VAV3: variants seen among roughly 807,000 people sequenced by gnomAD.
VAV3 encodes the protein guanine nucleotide exchange factor VAV3.
In VAV3, 94 loss-of-function variants were observed where a neutral mutation model predicts 131.2. The observed-to-expected ratio is 0.72, with a 90% CI of 0.61 to 0.85. VAV3 has a LOEUF of 0.85. VAV3 is among the 40% of genes least tolerant of loss of function. The pLI, the probability that VAV3 is intolerant of heterozygous loss-of-function variation, is 0.00. For synonymous variants in VAV3, 349 were observed against 342.0 expected, an observed-to-expected ratio of 1.02 and a Z score of -0.22; for missense variants, 939 against 1,002.7, an observed-to-expected ratio of 0.94 and a Z score of 0.86.
At chr1:107,712,152 A>C (rs958522089) in intron 15 of VAV3, among the ~76,000 whole-genome samples, 2 of 152,184 alleles carry the variant, frequency 1.3e-5, no homozygotes, top group African/African-American at 4.8e-5. Context: ...ATAAATATAC[A>C]ATGAGATTTT....
chr1:107,759,012 T>C (rs1664270451), intron 10 of VAV3, among the ~76,000 whole-genome samples: 1 of 152,208 alleles, frequency 6.6e-6, no homozygotes, highest in African/African-American at 2.4e-5. Context: ...GACAGAGGCC[T>C]CTACTCAGGT....
intron 25 of VAV3, among the ~76,000 whole-genome samples, chr1:107,591,868 T>C (rs1463687426): frequency 6.6e-6 from 1 of 152,146 alleles, no homozygotes; most frequent in African/African-American, 2.4e-5. Context: ...AGGTATTCTC[T>C]TCTCTTATAT....
chr1:107,811,387 CA>C (rs1667309261), intron 2 of VAV3, among the ~76,000 whole-genome samples: 1 of 152,052 alleles, frequency 6.6e-6, no homozygotes, highest in Non-Finnish European at 1.5e-5. Flanking sequence ...AGCAGGCTGA[CA>C]TTTTATTTTA....
At chr1:107,655,824 T>C (rs932071448) in intron 19 of VAV3, among the ~76,000 whole-genome samples, 8 of 152,060 alleles carry the variant, frequency 5.3e-5, no homozygotes, top group African/African-American at 1.9e-4. Flanking sequence ...AAAGACATAT[T>C]AGTCGTCAAC....
At chr1:107,639,606 G>T (rs1407066214) in intron 20 of VAV3, among the ~76,000 whole-genome samples, 2 of 152,104 alleles carry the variant, frequency 1.3e-5, no homozygotes, top group Non-Finnish European at 2.9e-5. Context: ...AATGATTAAA[G>T]AAATGCAAAT....
intron 15 of VAV3, among the ~76,000 whole-genome samples, chr1:107,736,300 G>A (rs559442649): frequency 6.6e-6 from 1 of 152,140 alleles, no homozygotes; most frequent in South Asian, 2.1e-4. Context: ...ACTGGCACAA[G>A]ACAGGGATGC....
intron 2 of VAV3, among the ~76,000 whole-genome samples, chr1:107,787,179 A>G (rs1570953674): frequency 6.6e-6 from 1 of 152,318 alleles, no homozygotes; most frequent in East Asian, 1.9e-4. Context: ...CAGGGTTAGT[A>G]CCAGGTCCCT....
intron 19 of VAV3, among the ~76,000 whole-genome samples, chr1:107,676,631 G>T (rs1658233306): frequency 6.6e-6 from 1 of 152,020 alleles, no homozygotes; most frequent in Admixed American, 6.6e-5. Context: ...AGTTTGAAAT[G>T]GATTTTTGTC....
chr1:107,957,156 T>A (rs1417623286), intron 1 of VAV3, among the ~76,000 whole-genome samples: 1 of 152,144 alleles, frequency 6.6e-6, no homozygotes, highest in Non-Finnish European at 1.5e-5. Context: ...TGCCCCTTCT[T>A]TATGACACTT....
chr1:107,672,646 T>A (rs912528207), intron 19 of VAV3, among the ~76,000 whole-genome samples: 2 of 151,882 alleles, frequency 1.3e-5, no homozygotes, highest in Admixed American at 6.6e-5. Flanking sequence ...TTGATCTCTC[T>A]CACACACACA....
intron 19 of VAV3, among the ~76,000 whole-genome samples, chr1:107,649,880 T>A (rs1169684416): frequency 6.6e-6 from 1 of 152,030 alleles, no homozygotes; most frequent in Non-Finnish European, 1.5e-5. Context: ...CATATTTTAG[T>A]GGAGGAGACA....
At position 107,793,801 on chromosome 1, in the gene VAV3, G is replaced by T. The variant is rs1039266546; in HGVS notation, c.322-14309C>A. Among the ~76,000 whole-genome samples, 29 of 152,204 alleles carry T rather than the reference G, an allele frequency of 1.9e-4. 1 individual carries two copies. The highest frequency in any genetic ancestry group is 3.2e-4 in the Non-Finnish European group (22 of 68,044). ...ACCCTAATCTAGTAGCTATATCAGA[G>T]AAAGAAGCCTAAACTGAGAAAGTTG... On this transcript the variant is annotated intron_variant, in intron 2 of 26. Coordinates refer to ENST00000370056, the MANE Select transcript of VAV3 (RefSeq NM_006113.5).
chr1:107,826,042 T>C (rs1667995850), intron 2 of VAV3, among the ~76,000 whole-genome samples: 1 of 152,192 alleles, frequency 6.6e-6, no homozygotes, highest in Non-Finnish European at 1.5e-5. Context: ...ATATGTACTC[T>C]TAATGAAATG....
chr1:107,669,454 T>G, intron 19 of VAV3: 1 of 1,289,474 alleles, frequency 7.8e-7, no homozygotes, highest in Non-Finnish European at 1.0e-6. Context: ...AATAAAGAAA[T>G]GAAGGAGACA....
intron 2 of VAV3, among the ~76,000 whole-genome samples, chr1:107,785,103 CA>C (rs1208321640): frequency 1.3e-5 from 2 of 152,160 alleles, no homozygotes; most frequent in Non-Finnish European, 2.9e-5. Context: ...TAAAACTACC[CA>C]TTTTAAACTA....
chr1:107,586,912 T>G (rs1650544180), intron 25 of VAV3, among the ~76,000 whole-genome samples: 1 of 152,146 alleles, frequency 6.6e-6, no homozygotes, highest in Admixed American at 6.5e-5. Flanking sequence ...AGAAAAAAAC[T>G]TAATTTGTTC....
chr1:107,757,151 A>ATGTGTG, intron 11 of VAV3, 110 bp downstream of exon 11: 1 of 579,502 alleles, frequency 1.7e-6, no homozygotes, highest in East Asian at 3.2e-5. Flanking sequence ...ATATGTGTGT[A>ATGTGTG]TATGTGTGTG....
chr1:107,870,496 T>C (rs1451465416), intron 2 of VAV3, among the ~76,000 whole-genome samples: 1 of 152,164 alleles, frequency 6.6e-6, no homozygotes, highest in African/African-American at 2.4e-5. Context: ...TTGTTTTATT[T>C]TTCTTGCTAA....
intron 19 of VAV3, chr1:107,669,467 G>T (rs1182082859): frequency 7.8e-7 from 1 of 1,287,314 alleles, no homozygotes; most frequent in African/African-American, 1.5e-5. Flanking sequence ...AGGAGACAGG[G>T]CACATCTAAT....
Sources: allele counts gnomAD v4.1 joint callset (sites outside exome capture counted in the v4.1 genomes callset), GRCh38; gene constraint gnomAD v4.1.1; transcripts MANE v1.5; gene names NCBI Gene and HGNC (gene_info 2026-07-23, HGNC 2026-07-21).